NME8: variants seen among roughly 807,000 people sequenced by gnomAD.
The protein encoded by NME8 is NME/NM23 family member 8.
A neutral mutation model predicts 82.3 loss-of-function variants in NME8; 72 were observed. The ratio of observed to expected loss-of-function variants is 0.87; its 90% CI spans 0.72 to 1.06. NME8 has a LOEUF of 1.06. NME8 is among the 50% of genes least tolerant of loss of function. The probability of loss-of-function intolerance (pLI) is 0.00; values close to 1 mark genes in which losing one functional copy is unlikely to be tolerated. For missense variants in NME8, 712 were observed against 685.4 expected, an observed-to-expected ratio of 1.04 and a Z score of -0.43; for synonymous variants, 267 against 228.5, an observed-to-expected ratio of 1.17 and a Z score of -1.52.
intron 14 of NME8, among the ~76,000 whole-genome samples, chr7:37,886,134 A>G (rs1454014192): frequency 6.6e-6 from 1 of 152,162 alleles, no homozygotes; most frequent in Non-Finnish European, 1.5e-5. Context: ...AGCCCTACTC[A>G]ATTATGTCTT....
intron 12 of NME8, among the ~76,000 whole-genome samples, chr7:37,880,303 G>A (rs1040827185): frequency 1.2e-4 from 19 of 152,104 alleles, no homozygotes; most frequent in African/African-American, 4.3e-4. Context: ...TTTCTTCTGT[G>A]TTATTCTCTA....
Position 37,850,254 on chromosome 7 carries a change from T to A in NME8, c.-7-6T>A. On this transcript the variant is annotated splice_polypyrimidine_tract_variant and splice_region_variant and intron_variant, in intron 2 of 17. Transcript: ENST00000199447. Reference sequence around the variant, plus strand: ...TAAAAATTTTTCTTTCTTTTTCCTATGATAGTAGATAAATGGCAAGCAAAA... The same window carrying A: ...TAAAAATTTTTCTTTCTTTTTCCTAAGATAGTAGATAAATGGCAAGCAAAA... The A allele has an allele frequency of 6.2e-7, 1 of 1,612,996 alleles. No homozygotes were observed. Among genetic ancestry groups the A allele is most frequent in the Non-Finnish European group, 8.5e-7 (1 of 1,178,984 alleles).
Position 37,867,981 on chromosome 7 carries a change from G to A in NME8, c.818+83G>A, listed in dbSNP as rs1784714355. ...TAGTGTAGGCACCTCAGTACCTAAG[G>A]GCAAATGTTTTTATGTTAAAGGCAT... On this transcript the variant is annotated intron_variant, in intron 11 of 17. Coordinates refer to ENST00000199447, the MANE Select transcript of NME8 (RefSeq NM_016616.5). The A allele has an allele frequency of 9.7e-6, 11 of 1,131,074 alleles. No individual in the cohort carries two copies. In the East Asian group the frequency reaches 2.5e-4, roughly 26 times the overall value. 70.1% of individuals were successfully genotyped at this position (1,131,074 alleles called of 1,614,324 possible).
chr7:37,862,736 T>C (rs1302467434), intron 7 of NME8, among the ~76,000 whole-genome samples: 1 of 152,158 alleles, frequency 6.6e-6, no homozygotes, highest in Non-Finnish European at 1.5e-5. Context: ...AAATGCCCTT[T>C]TGATATTTAA....
In NME8 at chr7:37,885,724, C is replaced by A. The variant is rs571987760; in HGVS notation, c.1247+472C>A. Among the ~76,000 whole-genome samples, 5 of 152,262 alleles carry A rather than the reference C, an allele frequency of 3.3e-5. No individual in the cohort carries two copies. The East Asian group carries it at 5.8e-4, about 18-fold the overall frequency. On this transcript the variant is annotated intron_variant, in intron 14 of 17. Transcript: ENST00000199447. The stretch of plus-strand genomic sequence containing the variant: ...CAGCTAAACTTTGTAATCAACTTGA[C>A]CCCTGGCATATTACCTGGCACATAG...
At chr7:37,897,176 G>A in intron 17 of NME8, 69 bp downstream of exon 17, 2 of 963,878 alleles carry the variant, frequency 2.1e-6, no homozygotes, top group Non-Finnish European at 3.2e-6. Context: ...GGACAAACCT[G>A]TCCTAAAAAG....
intron 17 of NME8, 48 bp downstream of exon 17, chr7:37,897,155 G>C: frequency 8.2e-7 from 1 of 1,225,190 alleles, no homozygotes; most frequent in Admixed American, 1.9e-5. Context: ...TTGTTGCAGT[G>C]ACTGAGGCTA....
intron 11 of NME8, among the ~76,000 whole-genome samples, chr7:37,873,840 A>G (rs192303104): frequency 6.6e-6 from 1 of 152,352 alleles, no homozygotes; most frequent in East Asian, 1.9e-4. Flanking sequence ...TGGCGCTGAT[A>G]AAAAGCAACC....
At chr7:37,870,608 A>T (rs1467477727) in intron 11 of NME8, among the ~76,000 whole-genome samples, 2 of 139,062 alleles carry the variant, frequency 1.4e-5, no homozygotes, top group East Asian at 2.1e-4. Context: ...AAAAAAAAAA[A>T]GTTTACCAAT....
At chr7:37,865,092 T>C (rs1405937882) in intron 9 of NME8, among the ~76,000 whole-genome samples, 1 of 152,164 alleles carries the variant, frequency 6.6e-6, no homozygotes, top group Non-Finnish European at 1.5e-5. Flanking sequence ...CAAAAACGAA[T>C]CATGGTTTCT....
intron 5 of NME8, among the ~76,000 whole-genome samples, chr7:37,852,061 G>A (rs1709499232): frequency 6.6e-6 from 1 of 151,916 alleles, no homozygotes; most frequent in African/African-American, 2.4e-5. Flanking sequence ...AAGAGAGTAA[G>A]TGGCTGTCTA....
intron 9 of NME8, among the ~76,000 whole-genome samples, chr7:37,864,815 C>T (rs1025267265): frequency 1.3e-5 from 2 of 152,174 alleles, no homozygotes; most frequent in Non-Finnish European, 2.9e-5. Context: ...GAGCAAGTCA[C>T]ATCTTACGTG....
intron 11 of NME8, among the ~76,000 whole-genome samples, chr7:37,875,626 G>T (rs1019219854): frequency 2.1e-5 from 3 of 140,860 alleles, no homozygotes; most frequent in Non-Finnish European, 4.7e-5. Flanking sequence ...ATTCTGTTTA[G>T]AAAAAAAAAA....
At chr7:37,893,230 A>G (rs1251571253) in intron 15 of NME8, among the ~76,000 whole-genome samples, 1 of 152,104 alleles carries the variant, frequency 6.6e-6, no homozygotes, top group African/African-American at 2.4e-5. Flanking sequence ...GGCTCGTTTT[A>G]CCAGGAAGTA....
At chr7:37,898,836 T>C (rs62445991) in intron 17 of NME8, among the ~76,000 whole-genome samples, 4,287 of 152,274 alleles carry the variant, frequency 0.028, 99 homozygotes, top group East Asian at 0.088. Flanking sequence ...TTGATTTGTA[T>C]ACTCAAATGG....
At chr7:37,871,365 G>A (rs1233602194) in intron 11 of NME8, among the ~76,000 whole-genome samples, 1 of 152,144 alleles carries the variant, frequency 6.6e-6, no homozygotes, top group Admixed American at 6.5e-5. Flanking sequence ...CTTTCATGAT[G>A]GCTTTTTATT....
At chr7:37,882,653 GAAAGAGAA>G (rs1784981418) in intron 12 of NME8, among the ~76,000 whole-genome samples, 3 of 146,658 alleles carry the variant, frequency 2.0e-5, no homozygotes, top group South Asian at 2.1e-4. Context: ...GAGAAAGAAA[GAAAGAGAA>G]AGAAAGAAAG....
rs780233495 is a variant in NME8, at chr7:37,894,504, C to G, written c.1438C>G (p.Leu480Val). The G allele has an allele frequency of 6.2e-7, 1 of 1,613,112 alleles. No individual in the cohort carries two copies. Among genetic ancestry groups the G allele is most frequent in the South Asian group, 1.1e-5 (1 of 91,054 alleles). ...LKIVKEAGFD[L>V]TQVKKMFLTP... ...GATAGTTAAGGAGGCTGGATTTGAT[C>G]TGACACAGGTGAAGAAAATGTTCCT... Residue 480 changes from leucine (L) to valine (V), a missense_variant, in exon 16 of 18, where the codon CTG (leucine) becomes GTG (valine). Leu to Val is a conservative substitution (Grantham distance 32). Transcript: ENST00000199447.
intron 11 of NME8, among the ~76,000 whole-genome samples, chr7:37,875,936 G>A (rs575620238): frequency 2.6e-5 from 4 of 152,110 alleles, no homozygotes; most frequent in South Asian, 2.1e-4. Flanking sequence ...GACTGGGCGC[G>A]GTGGCTCACG....
Sources: allele counts gnomAD v4.1 joint callset (sites outside exome capture counted in the v4.1 genomes callset), GRCh38; gene constraint gnomAD v4.1.1; transcripts MANE v1.5; gene names NCBI Gene and HGNC (gene_info 2026-07-23, HGNC 2026-07-21).